The following GABRG3 variants were observed in gnomAD, a reference collection of about 807,000 sequenced individuals.
GABRG3 encodes the protein gamma-aminobutyric acid type A receptor subunit gamma3.
GABRG3 carries 25 observed loss-of-function variants against 48.8 expected under a neutral mutation model. That is an observed-to-expected ratio of 0.51 (90% CI 0.37 to 0.72). The LOEUF (loss-of-function observed/expected upper bound fraction) is 0.72, where lower values mean the gene tolerates loss of function less well. Ranked by LOEUF, GABRG3 falls within the 30% of genes least tolerant of loss-of-function variation. The pLI, the probability that GABRG3 is intolerant of heterozygous loss-of-function variation, is 0.00. For synonymous variants in GABRG3, 227 were observed against 217.6 expected, an observed-to-expected ratio of 1.04 and a Z score of -0.38; for missense variants, 394 against 577.9, an observed-to-expected ratio of 0.68 and a Z score of 3.26.
At chr15:27,250,085 C>T (rs980332197) in intron 3 of GABRG3, among the ~76,000 whole-genome samples, 38 of 152,212 alleles carry the variant, frequency 2.5e-4, no homozygotes, top group African/African-American at 8.9e-4. Flanking sequence ...TCTCCAAAGC[C>T]CCCTCACCAG....
At chr15:27,524,222 C>T (rs1014025185) in intron 7 of GABRG3, among the ~76,000 whole-genome samples, 2 of 152,022 alleles carry the variant, frequency 1.3e-5, no homozygotes, top group Admixed American at 1.3e-4. Flanking sequence ...GGAAGTAGCA[C>T]AGCATTTTTT....
chr15:27,044,013 C>T (rs1457041644), intron 3 of GABRG3, among the ~76,000 whole-genome samples: 3 of 152,140 alleles, frequency 2.0e-5, no homozygotes, highest in African/African-American at 7.2e-5. Flanking sequence ...GGCACAAGGG[C>T]CCCTCCACTG....
chr15:26,971,690 G>A (rs1894848486), intron 1 of GABRG3, 102 bp downstream of exon 1: 6 of 1,327,758 alleles, frequency 4.5e-6, no homozygotes, highest in Non-Finnish European at 5.9e-6. Flanking sequence ...CCGTCGGCTG[G>A]GCTGCGGCAC....
intron 3 of GABRG3, among the ~76,000 whole-genome samples, chr15:27,265,708 T>C (rs1489439819): frequency 6.6e-6 from 1 of 152,146 alleles, no homozygotes; most frequent in Non-Finnish European, 1.5e-5. Flanking sequence ...TTGCAAATAC[T>C]TTCTCTCAGT....
At chr15:27,490,104 T>C (rs184239541) in intron 6 of GABRG3, among the ~76,000 whole-genome samples, 15 of 152,304 alleles carry the variant, frequency 9.8e-5, no homozygotes, top group African/African-American at 3.6e-4. Context: ...TAGCCAGTTT[T>C]CCCAACACCA....
chr15:27,380,425 G>GTT (rs142157061), intron 5 of GABRG3, among the ~76,000 whole-genome samples: 32 of 145,620 alleles, frequency 2.2e-4, no homozygotes, highest in African/African-American at 6.8e-4. Context: ...TGTGTGTGTG[G>GTT]TTTTTTTTTT....
chr15:27,427,795 C>T (rs1377343203), intron 5 of GABRG3, among the ~76,000 whole-genome samples: 1 of 152,128 alleles, frequency 6.6e-6, no homozygotes, highest in Non-Finnish European at 1.5e-5. Context: ...GTCATACATG[C>T]CTGAATATTT....
chr15:27,122,717 C>T (rs1180784530), intron 3 of GABRG3, among the ~76,000 whole-genome samples: 2 of 152,214 alleles, frequency 1.3e-5, no homozygotes, highest in African/African-American at 4.8e-5. Context: ...GAAAGCCTTA[C>T]ACCAATGGTG....
At chr15:27,042,948 C>T (rs1896303164) in intron 3 of GABRG3, among the ~76,000 whole-genome samples, 1 of 152,228 alleles carries the variant, frequency 6.6e-6, no homozygotes, top group Admixed American at 6.5e-5. Flanking sequence ...TTGCATGTTG[C>T]ACTCAGTCAT....
intron 5 of GABRG3, among the ~76,000 whole-genome samples, chr15:27,420,934 ACT>A (rs1358464189): frequency 2.6e-5 from 4 of 152,208 alleles, no homozygotes; most frequent in African/African-American, 7.2e-5. Flanking sequence ...ACCTTCTTAC[ACT>A]CTTCACTCAT....
At chr15:27,242,755 A>G (rs1890164848) in intron 3 of GABRG3, among the ~76,000 whole-genome samples, 1 of 152,226 alleles carries the variant, frequency 6.6e-6, no homozygotes, top group Non-Finnish European at 1.5e-5. Flanking sequence ...AAGAGTCTCA[A>G]CAGAAGAATG....
intron 6 of GABRG3, among the ~76,000 whole-genome samples, chr15:27,501,065 C>T (rs138371752): frequency 0.081 from 12,238 of 150,394 alleles, 918 homozygotes; most frequent in East Asian, 0.36. Flanking sequence ...CATTCTCCTG[C>T]CTCAGCCTCC....
At chr15:27,115,855 A>G (rs1000058198) in intron 3 of GABRG3, among the ~76,000 whole-genome samples, 2 of 152,142 alleles carry the variant, frequency 1.3e-5, no homozygotes, top group Non-Finnish European at 2.9e-5. Context: ...TTTAATGGTG[A>G]CTCCTGTCAA....
chr15:27,221,250 C>T (rs1889444801), intron 3 of GABRG3, among the ~76,000 whole-genome samples: 1 of 152,004 alleles, frequency 6.6e-6, no homozygotes. Context: ...TGCTATGCTC[C>T]TTGATGGACA....
intron 3 of GABRG3, among the ~76,000 whole-genome samples, chr15:27,119,274 G>C (rs1347354112): frequency 2.6e-5 from 4 of 152,092 alleles, no homozygotes; most frequent in Admixed American, 6.6e-5. Flanking sequence ...TGTTTGTTTG[G>C]GTCTTCGTTT....
chr15:27,315,108 A>G (rs967443197), intron 3 of GABRG3, among the ~76,000 whole-genome samples: 16 of 152,218 alleles, frequency 1.1e-4, no homozygotes, highest in African/African-American at 3.9e-4. Flanking sequence ...ACCACTACCT[A>G]TAAGGTGAAT....
At chr15:27,309,300 A>ATG (rs60005048) in intron 3 of GABRG3, among the ~76,000 whole-genome samples, 13,985 of 150,148 alleles carry the variant, frequency 0.093, 1,548 homozygotes, top group African/African-American at 0.27. Flanking sequence ...TGTTTTATAT[A>ATG]TGTGTGTGTG....
chr15:27,436,727 A>G (rs1888622833), intron 5 of GABRG3, among the ~76,000 whole-genome samples: 1 of 152,184 alleles, frequency 6.6e-6, no homozygotes, highest in African/African-American at 2.4e-5. Context: ...CCTAGTGCAG[A>G]TCAGAGCAAC....
chr15:27,345,311 G>A (rs1894329787), intron 5 of GABRG3, among the ~76,000 whole-genome samples: 1 of 152,108 alleles, frequency 6.6e-6, no homozygotes, highest in South Asian at 2.1e-4. Context: ...AGCATTTTAT[G>A]TGATTCCATT....
Sources: allele counts gnomAD v4.1 joint callset (sites outside exome capture counted in the v4.1 genomes callset), GRCh38; gene constraint gnomAD v4.1.1; transcripts MANE v1.5; gene names NCBI Gene and HGNC (gene_info 2026-07-23, HGNC 2026-07-21).